Variants in BACE2 observed in about 807,000 individuals in gnomAD.
BACE2 encodes the protein 56 kDa aspartic-like protease.
A neutral mutation model predicts 46.2 loss-of-function variants in BACE2; 17 were observed. That is an observed-to-expected ratio of 0.37 (90% CI 0.25 to 0.55). The LOEUF (loss-of-function observed/expected upper bound fraction) is 0.55. Among genes scored for constraint, BACE2 ranks in the 20% least tolerant of loss-of-function variants. The probability of loss-of-function intolerance (pLI) is 0.82; values close to 1 mark genes in which losing one functional copy is unlikely to be tolerated. For synonymous variants in BACE2, 277 were observed against 295.9 expected, an observed-to-expected ratio of 0.94 and a Z score of 0.66; for missense variants, 595 against 698.1, an observed-to-expected ratio of 0.85 and a Z score of 1.66.
intron 7 of BACE2, 111 bp from the exon 8 acceptor site, chr21:41,257,046 TC>T: frequency 8.5e-6 from 10 of 1,179,728 alleles, no homozygotes; most frequent in Admixed American, 2.0e-5. Context: ...CTCCCGTGAC[TC>T]CCCCCAGCGC....
At chr21:41,274,297 T>C (rs1228109765) in intron 8 of BACE2, among the ~76,000 whole-genome samples, 1 of 152,198 alleles carries the variant, frequency 6.6e-6, no homozygotes, top group Non-Finnish European at 1.5e-5. Context: ...AAGCCTGTTT[T>C]CCTCTGATTT....
intron 8 of BACE2, among the ~76,000 whole-genome samples, chr21:41,267,928 G>A (rs1241994486): frequency 1.3e-5 from 2 of 152,108 alleles, no homozygotes; most frequent in Non-Finnish European, 2.9e-5. Context: ...TATTTTGTAT[G>A]CTATAGGGAA....
At chr21:41,219,923 A>G (rs555802382) in intron 1 of BACE2, among the ~76,000 whole-genome samples, 68 of 152,310 alleles carry the variant, frequency 4.5e-4, no homozygotes, top group African/African-American at 1.5e-3. Flanking sequence ...CAGTTCCTAC[A>G]CTGTCTGCCT....
In BACE2 at chr21:41,237,493, C is replaced by G. The variant is rs1313056443; in HGVS notation, c.402-20C>G. ...AATAAAATAAAATGAATACAATATG[C>G]TTTTCTTTTCTTTCTCCAGGTCTAG... is the stretch of plus-strand genomic sequence containing the variant. On this transcript the variant is annotated intron_variant, in intron 2 of 8. Coordinates refer to ENST00000330333, the MANE Select transcript of BACE2 (RefSeq NM_012105.5). The G allele has an allele frequency of 3.3e-6, 5 of 1,515,144 alleles. No homozygotes were observed. Among genetic ancestry groups the G allele is most frequent in the Non-Finnish European group, 4.5e-6 (5 of 1,107,352 alleles). The allele number at this position is 1,515,144 out of a possible 1,614,324, so 93.9% of individuals were successfully genotyped here. A position where few individuals can be genotyped will look rare whatever the true frequency, so the allele number is the denominator to read the frequency against.
chr21:41,168,280 G>A lies in BACE2; in HGVS notation c.17G>A (p.Arg6Gln), dbSNP rs1319863794. The A allele has an allele frequency of 3.2e-6, 4 of 1,235,876 alleles. 1 individual carries two copies. The South Asian group carries it at 9.2e-5, about 28-fold the overall frequency. 76.6% of individuals were successfully genotyped at this position (1,235,876 alleles called of 1,614,324 possible). A position where few individuals can be genotyped will look rare whatever the true frequency, so the allele number is the denominator to read the frequency against. MGALA[R>Q]ALLLPLLAQW... is the part of the protein sequence containing the mutation. ...GCCGTGGGCATGGGCGCACTGGCCC[G>A]GGCGCTGCTGCTGCCTCTGCTGGCC... The change falls in exon 1 of 9, where the codon CGG becomes CAG. Residue 6 changes from arginine (R) to glutamine (Q), a missense_variant. Around this residue, in one of 3 missense-constraint regions of BACE2, gnomAD observed 248 missense variants for 261.4 expected, o/e 0.95. Transcript: ENST00000330333.
chr21:41,250,707 G>A (rs772734637), intron 6 of BACE2, 45 bp from the exon 7 acceptor site: 41 of 1,599,714 alleles, frequency 2.6e-5, no homozygotes, highest in African/African-American at 1.6e-4. Context: ...TCCTGTTGAC[G>A]TGCCAGACTA....
chr21:41,198,066 A>G (rs982089730), intron 1 of BACE2, among the ~76,000 whole-genome samples: 1 of 152,132 alleles, frequency 6.6e-6, no homozygotes, highest in African/African-American at 2.4e-5. Flanking sequence ...ATCTCGGCTC[A>G]CTGCAGCCTC....
intron 1 of BACE2, chr21:41,179,762 G>A: frequency 1.3e-6 from 1 of 790,270 alleles, no homozygotes; most frequent in Non-Finnish European, 1.9e-6. Flanking sequence ...GTGTGGGGTG[G>A]GGTGGAGAAG....
At chr21:41,169,138 TGAGG>T (rs911664840) in intron 1 of BACE2, among the ~76,000 whole-genome samples, 6 of 151,938 alleles carry the variant, frequency 3.9e-5, no homozygotes, top group African/African-American at 1.5e-4. Context: ...CTTGCTGCTC[TGAGG>T]AAGGAGCAGC....
intron 1 of BACE2, chr21:41,175,728 A>G (rs141599803): frequency 6.6e-5 from 10 of 152,374 alleles, no homozygotes; most frequent in African/African-American, 1.9e-4. Flanking sequence ...TTGAATCAGA[A>G]AGTCTTCCAG....
chr21:41,243,174 A>G (rs1454462014), intron 4 of BACE2, among the ~76,000 whole-genome samples: 1 of 152,116 alleles, frequency 6.6e-6, no homozygotes, highest in Non-Finnish European at 1.5e-5. Flanking sequence ...AGCCTCCCAA[A>G]GTGCTGGGAT....
chr21:41,226,131 C>T (rs534008804), intron 1 of BACE2, 135 bp from the exon 2 acceptor site: 9 of 659,154 alleles, frequency 1.4e-5, no homozygotes, highest in African/African-American at 6.7e-5. Context: ...CTATTCTCCT[C>T]GTCAGTATAC....
chr21:41,229,955 G>C (rs995108798), intron 2 of BACE2, among the ~76,000 whole-genome samples: 3 of 152,192 alleles, frequency 2.0e-5, no homozygotes, highest in Non-Finnish European at 2.9e-5. Context: ...TCTTTTGTGG[G>C]TAAATAAAAA....
intron 1 of BACE2, among the ~76,000 whole-genome samples, chr21:41,174,301 A>G (rs1033461553): frequency 5.9e-5 from 9 of 151,686 alleles, no homozygotes; most frequent in African/African-American, 2.2e-4. Flanking sequence ...TGCCACGACA[A>G]CCAGCTAATT....
intron 8 of BACE2, among the ~76,000 whole-genome samples, chr21:41,268,369 A>G (rs1431504283): frequency 6.6e-6 from 1 of 152,226 alleles, no homozygotes; most frequent in East Asian, 1.9e-4. Flanking sequence ...AGTATAAAAC[A>G]TTAGAATCTG....
At chr21:41,179,557 G>T (rs371769868) in intron 1 of BACE2, 3 of 1,366,676 alleles carry the variant, frequency 2.2e-6, no homozygotes, top group Non-Finnish European at 2.9e-6. Context: ...GGGTGAGTGA[G>T]GGTGTCCAGG....
chr21:41,248,124 G>A (rs181243825), intron 6 of BACE2, among the ~76,000 whole-genome samples: 96 of 152,276 alleles, frequency 6.3e-4, no homozygotes, highest in Non-Finnish European at 1.2e-4. Context: ...CCATGCAGAG[G>A]CACCGAGACC....
chr21:41,183,649 G>C (rs1206609150), intron 1 of BACE2: 1 of 167,200 alleles, frequency 6.0e-6, no homozygotes, highest in East Asian at 1.9e-4. Flanking sequence ...AGCACACTCA[G>C]TGGTGGAAAT....
At chr21:41,223,169 C>A (rs1986707849) in intron 1 of BACE2, among the ~76,000 whole-genome samples, 1 of 151,974 alleles carries the variant, frequency 6.6e-6, no homozygotes, top group Non-Finnish European at 1.5e-5. Context: ...GCCTGGGCAA[C>A]ATAGTGAGAC....
Sources: gnomAD v4.1 joint callset for allele counts (sites outside exome capture counted in the v4.1 genomes callset) on GRCh38, gnomAD v4.1.1 for gene constraint, gnomAD v4.1.1 regional missense constraint, MANE v1.5 for transcripts, NCBI Gene and HGNC (gene_info 2026-07-23, HGNC 2026-07-21) for gene names.